WDR49: variants seen among roughly 807,000 people sequenced by gnomAD.
WDR49 encodes cilia- and flagella-associated protein 337.
A neutral mutation model predicts 119.5 loss-of-function variants in WDR49; 107 were observed. The observed-to-expected ratio is 0.90, with a 90% CI of 0.77 to 1.05. The LOEUF (loss-of-function observed/expected upper bound fraction) is 1.05. Ranked by LOEUF, WDR49 falls within the 50% of genes least tolerant of loss-of-function variation. The pLI is 0.00. For synonymous variants in WDR49, 425 were observed against 418.8 expected, an observed-to-expected ratio of 1.01 and a Z score of -0.18; for missense variants, 1,240 against 1,220.5, an observed-to-expected ratio of 1.02 and a Z score of -0.24.
intron 7 of WDR49, among the ~76,000 whole-genome samples, chr3:167,585,988 A>T (rs899160141): frequency 3.9e-5 from 6 of 152,170 alleles, no homozygotes; most frequent in Non-Finnish European, 7.3e-5. Flanking sequence ...TTCTGGATGG[A>T]TAGATGGAAG....
chr3:167,484,222 T>A (rs1233322368), intron 18 of WDR49, among the ~76,000 whole-genome samples: 1 of 152,104 alleles, frequency 6.6e-6, no homozygotes, highest in East Asian at 1.9e-4. Flanking sequence ...GAACTTTAGA[T>A]AAGGGAGATT....
intron 5 of WDR49, among the ~76,000 whole-genome samples, chr3:167,618,113 A>T (rs1418621255): frequency 6.6e-6 from 1 of 151,926 alleles, no homozygotes; most frequent in African/African-American, 2.4e-5. Context: ...TATTTTGCTC[A>T]TGTTGCCCAC....
rs1712896539 is a variant in WDR49, at chr3:167,555,887, T to C, written c.1675-1089A>G. Among the ~76,000 whole-genome samples, 4 of 152,192 alleles carry C rather than the reference T, an allele frequency of 2.6e-5. No homozygotes were observed. The South Asian group carries it at 8.3e-4, about 32-fold the overall frequency. On this transcript the variant is annotated intron_variant, in intron 9 of 18. Coordinates refer to ENST00000682715, the MANE Select transcript of WDR49 (RefSeq NM_001366157.1). ...AGTGTACTTATACAAACCTAAATGA[T>C]ACAGTCTACTACACACCTAGACTAT...
intron 7 of WDR49, among the ~76,000 whole-genome samples, chr3:167,579,048 C>T (rs1255123881): frequency 2.0e-5 from 3 of 152,020 alleles, no homozygotes; most frequent in African/African-American, 7.2e-5. Context: ...GGCTTTTCCC[C>T]TACTCGCACT....
chr3:167,566,913 A>T, intron 8 of WDR49: 1 of 669,492 alleles, frequency 1.5e-6, no homozygotes, highest in Non-Finnish European at 2.7e-6. Flanking sequence ...GAGGAAAAGA[A>T]AGGGTTGGAC....
chr3:167,559,994 T>C lies in WDR49; in HGVS notation c.1674+70A>G, dbSNP rs981821880. On this transcript the variant is annotated intron_variant, in intron 9 of 18. Transcript: ENST00000682715. Reference sequence around the variant, plus strand: ...AAAAGGCAAAAAATGAGAATATCTATAGCCATGTCTTCTGGCATAGTATTT... The same window carrying C: ...AAAAGGCAAAAAATGAGAATATCTACAGCCATGTCTTCTGGCATAGTATTT... 14 of 1,533,088 alleles carry C rather than the reference T, an allele frequency of 9.1e-6. No individual in the cohort carries two copies. The African/African-American group carries it at 1.8e-4, about 20-fold the overall frequency. 95.0% of individuals were successfully genotyped at this position (1,533,088 alleles called of 1,614,324 possible).
At chr3:167,518,709 C>G (rs969902655) in intron 16 of WDR49, among the ~76,000 whole-genome samples, 1 of 149,784 alleles carries the variant, frequency 6.7e-6, no homozygotes, top group Non-Finnish European at 1.5e-5. Context: ...ATGGTAGTTT[C>G]TTTTGCTGTG....
At chr3:167,545,509 T>TATATA (rs535132359) in intron 10 of WDR49, among the ~76,000 whole-genome samples, 18 of 108,294 alleles carry the variant, frequency 1.7e-4, no homozygotes, top group South Asian at 6.2e-4. Flanking sequence ...ATATTATATA[T>TATATA]TATATATATA....
At chr3:167,615,431 C>T (rs1483885003) in intron 5 of WDR49, among the ~76,000 whole-genome samples, 3 of 147,908 alleles carry the variant, frequency 2.0e-5, no homozygotes, top group East Asian at 2.0e-4. Flanking sequence ...CCACCACTCC[C>T]GGCTCTCCAT....
chr3:167,564,056 A>G (rs1199800768), intron 8 of WDR49, among the ~76,000 whole-genome samples: 5 of 152,200 alleles, frequency 3.3e-5, no homozygotes, highest in African/African-American at 9.6e-5. Context: ...TAGATACTCA[A>G]TGAGGAATTA....
At chr3:167,533,022 A>G in intron 11 of WDR49, 45 bp from the exon 12 acceptor site, 1 of 1,410,704 alleles carries the variant, frequency 7.1e-7, no homozygotes, top group Non-Finnish European at 9.7e-7. Flanking sequence ...GGAGATTAAG[A>G]TAGAAAATAT....
intron 8 of WDR49, among the ~76,000 whole-genome samples, chr3:167,569,681 A>C (rs1713817342): frequency 9.2e-6 from 1 of 109,174 alleles, no homozygotes; most frequent in South Asian, 2.4e-4. Context: ...TGGACACAGC[A>C]AAAAAAAAAA....
intron 2 of WDR49, among the ~76,000 whole-genome samples, chr3:167,633,043 GTCA>G (rs1231983257): frequency 6.6e-6 from 1 of 151,898 alleles, no homozygotes; most frequent in African/African-American, 2.4e-5. Context: ...TATAAATTGA[GTCA>G]TCATGTCAGC....
intron 10 of WDR49, among the ~76,000 whole-genome samples, chr3:167,550,067 A>G (rs1210611948): frequency 6.0e-5 from 9 of 151,028 alleles, no homozygotes; most frequent in Admixed American, 5.9e-4. Flanking sequence ...CTGTTTTGGT[A>G]CCAGTACCAT....
At position 167,626,967 on chromosome 3, in the gene WDR49, A is replaced by G; in HGVS notation, c.491T>C (p.Leu164Ser). The change falls in exon 3 of 19, where the codon TTG (leucine) becomes TCG (serine). Residue 164 changes from leucine (L) to serine (S), a missense_variant. Coordinates refer to ENST00000682715, the MANE Select transcript of WDR49 (RefSeq NM_001366157.1). The part of the protein sequence containing the change: ...HYLTISKEGL[L>S]AIWGEHLKLQ... ...CTTTAAATGCTCTCCCCAGATTGCC[A>G]ATAAACCTTCTTTACTAATTGTCAG... 7.5e-7 allele frequency: 1 copy of G among 1,337,774 alleles called. No individual in the cohort carries two copies. The highest frequency in any genetic ancestry group is 2.3e-5 in the South Asian group (1 of 43,320). 82.9% of individuals were successfully genotyped at this position (1,337,774 alleles called of 1,614,324 possible).
intron 18 of WDR49, among the ~76,000 whole-genome samples, chr3:167,494,142 G>A (rs1275562153): frequency 1.3e-5 from 2 of 152,090 alleles, no homozygotes; most frequent in Non-Finnish European, 2.9e-5. Flanking sequence ...ATAACTCCAA[G>A]AGGCAGGCAT....
intron 10 of WDR49, among the ~76,000 whole-genome samples, chr3:167,540,716 C>T (rs1214475972): frequency 7.0e-6 from 1 of 143,360 alleles, no homozygotes; most frequent in African/African-American, 2.5e-5. Context: ...TCTGAATTGT[C>T]AAATAAACAA....
At chr3:167,512,170 G>C (rs929918663) in intron 16 of WDR49, among the ~76,000 whole-genome samples, 1 of 152,182 alleles carries the variant, frequency 6.6e-6, no homozygotes, top group Non-Finnish European at 1.5e-5. Context: ...CCTCCAAACA[G>C]GGGTCACCAG....
intron 10 of WDR49, among the ~76,000 whole-genome samples, chr3:167,542,491 A>G (rs1290544166): frequency 6.6e-6 from 1 of 152,160 alleles, no homozygotes; most frequent in Non-Finnish European, 1.5e-5. Flanking sequence ...GGAACCCTCA[A>G]AACTATACAA....
Sources: allele counts gnomAD v4.1 joint callset (sites outside exome capture counted in the v4.1 genomes callset), GRCh38; gene constraint gnomAD v4.1.1; transcripts MANE v1.5; gene names NCBI Gene and HGNC (gene_info 2026-07-23, HGNC 2026-07-21).